SYN3: variants seen among roughly 807,000 people sequenced by gnomAD.
The protein encoded by SYN3 is synapsin III.
SYN3 carries 35 observed loss-of-function variants against 65.8 expected under a neutral mutation model. The ratio of observed to expected loss-of-function variants is 0.53; its 90% CI spans 0.41 to 0.70. SYN3 has a LOEUF of 0.70. SYN3 is among the 30% of genes least tolerant of loss of function. SYN3 has a pLI of 0.00. For missense variants in SYN3, 680 were observed against 749.0 expected (o/e 0.91, Z 1.08); for synonymous variants, 270 against 292.9 (o/e 0.92, Z 0.80).
chr22:32,990,750 T>G (rs1300079213), intron 2 of SYN3, among the ~76,000 whole-genome samples: 1 of 152,194 alleles, frequency 6.6e-6, no homozygotes, highest in Non-Finnish European at 1.5e-5. Flanking sequence ...AATTGTATAC[T>G]TTTAAAATAG....
intron 7 of SYN3, among the ~76,000 whole-genome samples, chr22:32,543,176 G>A (rs2058286011): frequency 6.6e-6 from 1 of 152,186 alleles, no homozygotes; most frequent in South Asian, 2.1e-4. Flanking sequence ...ATTTCCACCA[G>A]CGTTGATGCT....
chr22:33,056,349 G>A (rs2054252937), intron 1 of SYN3, among the ~76,000 whole-genome samples: 2 of 152,260 alleles, frequency 1.3e-5, no homozygotes, highest in Middle Eastern at 3.4e-3. Context: ...GTAGTGTAGT[G>A]GATACCGTGG....
intron 6 of SYN3, among the ~76,000 whole-genome samples, chr22:32,804,745 C>T (rs1022943188): frequency 6.6e-6 from 1 of 152,190 alleles, no homozygotes; most frequent in African/African-American, 2.4e-5. Flanking sequence ...GCCCTGCACC[C>T]TATGGAAGTG....
At chr22:33,035,944 C>T (rs1409438239) in intron 1 of SYN3, among the ~76,000 whole-genome samples, 3 of 152,128 alleles carry the variant, frequency 2.0e-5, no homozygotes, top group Non-Finnish European at 2.9e-5. Context: ...CTTATCTTCC[C>T]AGGTCCAGGA....
intron 6 of SYN3, among the ~76,000 whole-genome samples, chr22:32,850,415 C>T (rs1352958422): frequency 6.6e-6 from 1 of 152,042 alleles, no homozygotes; most frequent in Admixed American, 6.6e-5. Flanking sequence ...TAAGGAGGAG[C>T]GGGTGGTATA....
intron 8 of SYN3, among the ~76,000 whole-genome samples, chr22:32,538,774 C>A (rs1223197252): frequency 6.6e-6 from 1 of 152,128 alleles, no homozygotes; most frequent in East Asian, 1.9e-4. Flanking sequence ...CACCTTTACA[C>A]AGCAAAAATA....
At chr22:32,925,102 A>C (rs190893487) in intron 4 of SYN3, among the ~76,000 whole-genome samples, 8 of 152,218 alleles carry the variant, frequency 5.3e-5, no homozygotes, top group African/African-American at 1.9e-4. Flanking sequence ...AAGGAAAAAA[A>C]AAAGCTATTG....
At chr22:32,662,376 A>G (rs1601865282) in intron 6 of SYN3, among the ~76,000 whole-genome samples, 1 of 152,212 alleles carries the variant, frequency 6.6e-6, no homozygotes, top group African/African-American at 2.4e-5. Context: ...GTGTACATAC[A>G]GCTGCCTTCT....
At chr22:32,974,185 A>G (rs544860747) in intron 3 of SYN3, among the ~76,000 whole-genome samples, 47 of 152,356 alleles carry the variant, frequency 3.1e-4, no homozygotes, top group Admixed American at 7.8e-4. Flanking sequence ...CTTGATATTT[A>G]CAACACTGGA....
Position 32,615,447 on chromosome 22 carries a change from A to AAAAAAAG in SYN3, c.712-18712_712-18711insCTTTTTT, listed in dbSNP as rs1478364325. 2.5e-3 allele frequency among the ~76,000 whole-genome samples: 373 copies of AAAAAAAG among 150,648 alleles called. 2 individuals are homozygous for AAAAAAAG. The highest frequency in any genetic ancestry group is 8.8e-3 in the African/African-American group (360 of 40,824). Reference sequence around the variant, plus strand: ...AGACTTCATCTAAAAAAAAAAAAAAAAAAAGAAAAAAAGAAAGAAAACTAC... The same window carrying AAAAAAAG: ...AGACTTCATCTAAAAAAAAAAAAAAAAAAAAAGAAAAGAAAAAAAGAAAGAAAACTAC... On this transcript the variant is annotated intron_variant, in intron 6 of 13. Transcript: ENST00000358763.
At chr22:32,676,028 C>G (rs2060435290) in intron 6 of SYN3, among the ~76,000 whole-genome samples, 1 of 151,418 alleles carries the variant, frequency 6.6e-6, no homozygotes, top group East Asian at 1.9e-4. Flanking sequence ...TCCAGTGGTC[C>G]AGAGCACTCT....
In SYN3 at chr22:32,668,749, A is replaced by G. The variant is rs1199285981; in HGVS notation, c.712-72013T>C. On this transcript the variant is annotated intron_variant, in intron 6 of 13. Coordinates refer to ENST00000358763, the MANE Select transcript of SYN3 (RefSeq NM_003490.4). ...TCTATCTGGGGATGAGGGCAGGGAG[A>G]AGGAGGAGAGGTTGGCTTTTAGCTT... 2.0e-5 allele frequency among the ~76,000 whole-genome samples: 3 copies of G among 152,080 alleles called. No homozygotes were observed. In the East Asian group the frequency reaches 5.8e-4, roughly 29 times the overall value.
At chr22:32,709,141 T>C (rs1278929892) in intron 6 of SYN3, among the ~76,000 whole-genome samples, 2 of 152,204 alleles carry the variant, frequency 1.3e-5, no homozygotes, top group African/African-American at 4.8e-5. Flanking sequence ...TGTGGCTTTG[T>C]TCTGTGCCCG....
At chr22:32,760,651 C>T (rs1386537192) in intron 6 of SYN3, among the ~76,000 whole-genome samples, 1 of 152,140 alleles carries the variant, frequency 6.6e-6, no homozygotes, top group Non-Finnish European at 1.5e-5. Flanking sequence ...AGTGCCCAGG[C>T]TTCTGAAATT....
intron 1 of SYN3, among the ~76,000 whole-genome samples, chr22:33,042,651 C>T (rs2145940031): frequency 6.6e-6 from 1 of 152,268 alleles, no homozygotes; most frequent in African/African-American, 2.4e-5. Flanking sequence ...TGCTCCTGTC[C>T]CCAGCATGCT....
At chr22:33,043,374 C>A (rs2053999063) in intron 1 of SYN3, among the ~76,000 whole-genome samples, 1 of 151,934 alleles carries the variant, frequency 6.6e-6, no homozygotes, top group Non-Finnish European at 1.5e-5. Context: ...ATGGCGAAAC[C>A]CCGTCTCTAC....
At chr22:32,617,294 T>C (rs1278843423) in intron 6 of SYN3, among the ~76,000 whole-genome samples, 1 of 152,092 alleles carries the variant, frequency 6.6e-6, no homozygotes, top group Non-Finnish European at 1.5e-5. Context: ...TGAAAGGACA[T>C]GGTGTCTTGG....
chr22:32,863,366 G>T (rs1359867523), intron 6 of SYN3, among the ~76,000 whole-genome samples: 1 of 152,196 alleles, frequency 6.6e-6, no homozygotes, highest in Non-Finnish European at 1.5e-5. Flanking sequence ...AGCCCTCCTT[G>T]TTTTCTTCCT....
chr22:32,918,470 T>C (rs978451631), intron 4 of SYN3, among the ~76,000 whole-genome samples: 5 of 152,180 alleles, frequency 3.3e-5, no homozygotes, highest in Non-Finnish European at 5.9e-5. Context: ...GACCTTCTGT[T>C]CTAGAAAAGA....
Sources: gnomAD v4.1 joint callset for allele counts (sites outside exome capture counted in the v4.1 genomes callset) on GRCh38, gnomAD v4.1.1 for gene constraint, MANE v1.5 for transcripts, NCBI Gene and HGNC (gene_info 2026-07-23, HGNC 2026-07-21) for gene names.